The following SMIM36 variants were observed in gnomAD, a reference collection of about 807,000 sequenced individuals.
The protein encoded by SMIM36 is small integral membrane protein 36.
upstream of SMIM36, among the ~76,000 whole-genome samples, chr17:55,515,538 C>T (rs1910260687): frequency 6.6e-6 from 1 of 152,136 alleles, no homozygotes; most frequent in Non-Finnish European, 1.5e-5. Flanking sequence ...AAGTAATGTG[C>T]CCTTAATCCA....
upstream of SMIM36, among the ~76,000 whole-genome samples, chr17:55,515,084 GTGTTTTTTTTTTT>G (rs375414612): frequency 0.22 from 12,557 of 56,090 alleles, 1,506 homozygotes; most frequent in Admixed American, 0.31. Context: ...TTCTAGTCTA[GTGTTTTTTTTTTT>G]TTTTTTTTTT....
chr17:55,514,452 G>A (rs1460904747), upstream of SMIM36, among the ~76,000 whole-genome samples: 1 of 152,068 alleles, frequency 6.6e-6, no homozygotes. Context: ...CAAATGTAGA[G>A]CTCAGAGGAA....
intron 1 of SMIM36, among the ~76,000 whole-genome samples, chr17:55,485,969 A>C (rs1909599583): frequency 6.6e-6 from 1 of 151,748 alleles, no homozygotes; most frequent in African/African-American, 2.4e-5. Context: ...ATTAATTCTT[A>C]TGTGACATAA....
chr17:55,489,784 T>C (rs910737359), intron 1 of SMIM36, among the ~76,000 whole-genome samples: 3 of 152,236 alleles, frequency 2.0e-5, no homozygotes, highest in East Asian at 3.8e-4. Flanking sequence ...CATAATCCTA[T>C]GGCTCTTATC....
intron 4 of SMIM36, among the ~76,000 whole-genome samples, chr17:55,454,825 A>G (rs1567861484): frequency 6.6e-6 from 1 of 152,276 alleles, no homozygotes; most frequent in Non-Finnish European, 1.5e-5. Flanking sequence ...ACGATGCATC[A>G]TAAATATTTT....
At chr17:55,511,068 T>G (rs1344565755) in exon 1 of SMIM36, 2 of 398,412 alleles carry the variant, frequency 5.0e-6, no homozygotes, top group Admixed American at 4.4e-5. Context: ...CCATGGTGCT[T>G]TTCTTTCCTA....
chr17:55,491,222 A>G (rs900111717), intron 1 of SMIM36, among the ~76,000 whole-genome samples: 5 of 145,924 alleles, frequency 3.4e-5, no homozygotes, highest in African/African-American at 1.0e-4. Context: ...CGCTTAGGTG[A>G]CAGAGCAAGA....
chr17:55,508,318 A>G (rs2144723038), intron 1 of SMIM36, among the ~76,000 whole-genome samples: 1 of 151,840 alleles, frequency 6.6e-6, no homozygotes, highest in East Asian at 1.9e-4. Flanking sequence ...AAAAGGTGTC[A>G]GTATTTGTCC....
chr17:55,468,987 G>A (rs185517609), intron 3 of SMIM36, among the ~76,000 whole-genome samples: 129 of 152,140 alleles, frequency 8.5e-4, no homozygotes, highest in Admixed American at 3.5e-3. Flanking sequence ...TTCTTTACAC[G>A]TCAGTCCCTC....
chr17:55,529,108 G>A, the SMIM36 span, among the ~76,000 whole-genome samples: 31 of 152,216 alleles, frequency 2.0e-4, no homozygotes, highest in Non-Finnish European at 2.6e-4. Context: ...ATTTAAACTT[G>A]TGTAAAGAAG....
chr17:55,510,927 T>C (rs1345510687), exon 1 of SMIM36: 2 of 395,720 alleles, frequency 5.1e-6, no homozygotes, highest in African/African-American at 2.1e-5. Flanking sequence ...AAACAGCAAG[T>C]AAGACAGAGC....
At chr17:55,475,274 A>G (rs893329547) in intron 3 of SMIM36, among the ~76,000 whole-genome samples, 13 of 152,212 alleles carry the variant, frequency 8.5e-5, no homozygotes, top group African/African-American at 3.1e-4. Flanking sequence ...ACTATCCCCA[A>G]TCCACCACTC....
the SMIM36 span, chr17:55,526,822 C>A: frequency 6.6e-6 from 1 of 152,146 alleles, no homozygotes; most frequent in Admixed American, 6.5e-5. Flanking sequence ...CTCTCAGTCT[C>A]CTTCCCCACT....
the SMIM36 span, among the ~76,000 whole-genome samples, chr17:55,524,144 G>A: frequency 6.6e-6 from 1 of 152,028 alleles, no homozygotes; most frequent in Non-Finnish European, 1.5e-5. Context: ...TCATCATTCA[G>A]CTCCCATTTA....
At chr17:55,523,542 A>AG in the SMIM36 span, among the ~76,000 whole-genome samples, 1 of 151,854 alleles carries the variant, frequency 6.6e-6, no homozygotes, top group African/African-American at 2.4e-5. Flanking sequence ...AAAAAAAAAA[A>AG]AAAAAACATG....
chr17:55,519,693 TTGGTAAGA>T, the SMIM36 span, among the ~76,000 whole-genome samples: 1 of 152,188 alleles, frequency 6.6e-6, no homozygotes, highest in African/African-American at 2.4e-5. Flanking sequence ...GCTCAAGTCC[TTGGTAAGA>T]CAATGGTGGT....
the SMIM36 span, chr17:55,527,741 A>C: frequency 6.6e-6 from 1 of 152,174 alleles, no homozygotes; most frequent in African/African-American, 2.4e-5. Context: ...CTGAGCAGGA[A>C]TTTTCTCTTG....
upstream of SMIM36, among the ~76,000 whole-genome samples, chr17:55,516,298 A>T (rs561934362): frequency 1.0e-3 from 159 of 152,276 alleles, no homozygotes; most frequent in African/African-American, 3.7e-3. Flanking sequence ...TTCATCATCC[A>T]AGATTTCTAA....
At chr17:55,455,819 CAAAA>C (rs1321634523) in intron 4 of SMIM36, among the ~76,000 whole-genome samples, 1 of 150,832 alleles carries the variant, frequency 6.6e-6, no homozygotes, top group African/African-American at 2.4e-5. Flanking sequence ...AACAAACAAA[CAAAA>C]ACAAAAAAAA....
Sources: allele counts gnomAD v4.1 joint callset (sites outside exome capture counted in the v4.1 genomes callset), GRCh38; gene constraint gnomAD v4.1.1; transcripts MANE v1.5; gene names NCBI Gene and HGNC (gene_info 2026-07-23, HGNC 2026-07-21).